ZNF469: variants seen among roughly 807,000 people sequenced by gnomAD.
ZNF469 encodes the protein zinc finger protein 469.
Under a neutral mutation model 1.0 loss-of-function variants are expected in ZNF469, and 1 was observed. The observed-to-expected ratio is 1.00, with a 90% CI of 0.35 to 4.73. The LOEUF (loss-of-function observed/expected upper bound fraction) is 4.73, where lower values mean the gene tolerates loss of function less well. ZNF469 is among the 30% of genes most tolerant of loss of function. The probability of loss-of-function intolerance (pLI) is 0.16; values close to 1 mark genes in which losing one functional copy is unlikely to be tolerated. For synonymous variants in ZNF469, 2,703 were observed against 2,363.4 expected, an observed-to-expected ratio of 1.14 and a Z score of -4.17; for missense variants, 6,100 against 5,356.3, an observed-to-expected ratio of 1.14 and a Z score of -4.33.
the ZNF469 span, chr16:88,101,087 C>T: frequency 1.5e-4 from 27 of 174,708 alleles, no homozygotes; most frequent in South Asian, 2.4e-4. Context: ...CAGTGTGTGG[C>T]GTCTGGGGTG....
chr16:88,154,182 G>A, the ZNF469 span, among the ~76,000 whole-genome samples: 1 of 152,186 alleles, frequency 6.6e-6, no homozygotes. Context: ...TTTTGAGATG[G>A]ATTCTAGCTC....
the ZNF469 span, among the ~76,000 whole-genome samples, chr16:88,308,891 C>G: frequency 6.6e-6 from 1 of 152,168 alleles, no homozygotes; most frequent in South Asian, 2.1e-4. Flanking sequence ...GCATCCTGAG[C>G]TCACCTCCAC....
the ZNF469 span, among the ~76,000 whole-genome samples, chr16:88,256,895 C>CTTTCTCTCTCTCTCTCTCTCTTTCT: frequency 7.8e-5 from 4 of 51,430 alleles, 1 homozygote; most frequent in African/African-American, 2.1e-4. Context: ...CTTTTCTTTC[C>CTTTCTCTCTCTCTCTCTCTCTTTCT]TTCTTTCTTT....
At chr16:88,359,732 T>A in the ZNF469 span, among the ~76,000 whole-genome samples, 4 of 152,234 alleles carry the variant, frequency 2.6e-5, no homozygotes, top group Admixed American at 2.6e-4. Flanking sequence ...ACTCTGGGGC[T>A]TACATTATTT....
intron 1 of ZNF469, among the ~76,000 whole-genome samples, chr16:88,395,000 A>T (rs1384275162): frequency 2.6e-5 from 4 of 152,180 alleles, no homozygotes; most frequent in Non-Finnish European, 4.4e-5. Context: ...CCACTCTGGG[A>T]TCTGGGCTTT....
chr16:88,112,566 G>A, the ZNF469 span, among the ~76,000 whole-genome samples: 1 of 152,116 alleles, frequency 6.6e-6, no homozygotes, highest in Non-Finnish European at 1.5e-5. Context: ...ATGCCTGTTG[G>A]CCATTTGTGT....
At chr16:88,206,222 C>T in the ZNF469 span, among the ~76,000 whole-genome samples, 71,927 of 152,068 alleles carry the variant, frequency 0.47, 17,827 homozygotes, top group East Asian at 0.66. Context: ...GCGCCGGAGG[C>T]GGAAGGGCCA....
Position 88,428,898 on chromosome 16 carries a change from C to T in ZNF469, c.1428C>T (p.Leu476=), listed in dbSNP as rs1292937474. The change falls in exon 3 of 3, where the codon CTC becomes CTT. Residue 476 remains leucine (L), a synonymous_variant. Transcript: ENST00000565624. ...GQPSPGQRLC[L]PQSAPLPWPQ... ...CCAGCCCAGGCCAGCGGCTCTGCCTCCCCCAGAGTGCCCCCCTGCCTTGGC... is the reference window on the plus strand; with the variant it reads ...CCAGCCCAGGCCAGCGGCTCTGCCTTCCCCAGAGTGCCCCCCTGCCTTGGC... 1 of 1,546,980 alleles carries T rather than the reference C, an allele frequency of 6.5e-7. No homozygotes were observed.
At chr16:88,194,805 A>C in the ZNF469 span, 1 of 152,252 alleles carries the variant, frequency 6.6e-6, no homozygotes, top group Non-Finnish European at 1.5e-5. Flanking sequence ...AAAAGGCAGC[A>C]AAGAAAAAAG....
chr16:88,335,201 G>T, the ZNF469 span, among the ~76,000 whole-genome samples: 1 of 152,196 alleles, frequency 6.6e-6, no homozygotes, highest in East Asian at 1.9e-4. Context: ...ACCAGGCCAG[G>T]CTCTCCACCA....
chr16:88,257,587 A>C, the ZNF469 span, among the ~76,000 whole-genome samples: 2 of 151,696 alleles, frequency 1.3e-5, no homozygotes, highest in Non-Finnish European at 2.9e-5. Context: ...TCATTGCCAA[A>C]CCCTAGGTCA....
At chr16:88,190,245 G>A in the ZNF469 span, among the ~76,000 whole-genome samples, 2 of 152,176 alleles carry the variant, frequency 1.3e-5, no homozygotes, top group Non-Finnish European at 2.9e-5. Context: ...ACAGGAGTGG[G>A]GTAGACCATT....
At chr16:88,358,380 T>G in the ZNF469 span, among the ~76,000 whole-genome samples, 23 of 152,322 alleles carry the variant, frequency 1.5e-4, no homozygotes, top group South Asian at 4.8e-3. Context: ...CCTCTGGGGC[T>G]GGGTGCATTT....
Position 88,429,070 on chromosome 16 carries a change from C to T in ZNF469, c.1600C>T (p.Leu534=). ...CAAGACACCGGGACCCAGAGAGAAG[C>T]TGCCAGCCGTGAGAAGCAGCCAGGG... ...AGKTPGPREK[L]PAVRSSQGGS... The change falls in exon 3 of 3, where the codon CTG becomes TTG. Residue 534 remains leucine (L), a synonymous_variant. Coordinates refer to ENST00000565624, the MANE Select transcript of ZNF469 (RefSeq NM_001367624.2). 2 of 1,550,024 alleles carry T rather than the reference C, an allele frequency of 1.3e-6. No homozygotes were observed. The highest frequency in any genetic ancestry group is 1.7e-6 in the Non-Finnish European group (2 of 1,146,880).
At chr16:88,309,567 G>A in the ZNF469 span, among the ~76,000 whole-genome samples, 2 of 149,948 alleles carry the variant, frequency 1.3e-5, no homozygotes, top group Non-Finnish European at 3.0e-5. Context: ...ACCCTCTGAG[G>A]TCCCCTCTCG....
chr16:88,430,014 C>G lies in ZNF469; in HGVS notation c.2544C>G (p.Leu848=). ...AKLDSLITEA[L]NGMEYQSDNP... The stretch of plus-strand genomic sequence containing the variant: ...TGGACAGCCTCATCACAGAGGCGCT[C>G]AACGGCATGGAGTACCAGTCGGACA... Residue 848 remains leucine (L), a synonymous_variant, in exon 3 of 3, where the codon CTC becomes CTG. Coordinates refer to ENST00000565624, the MANE Select transcript of ZNF469 (RefSeq NM_001367624.2). The G allele has an allele frequency of 6.5e-7, 1 of 1,550,378 alleles. No homozygotes were observed. The highest frequency in any genetic ancestry group is 1.4e-5 in the African/African-American group (1 of 73,188).
the ZNF469 span, among the ~76,000 whole-genome samples, chr16:88,184,988 C>G: frequency 5.6e-4 from 85 of 152,204 alleles, no homozygotes; most frequent in African/African-American, 1.8e-3. Context: ...CATATTCACA[C>G]TCACACCCGT....
Position 88,422,343 on chromosome 16 carries a change from G to A in ZNF469, c.-191-2464G>A, listed in dbSNP as rs563648046. ...GTGAGTGATGGATGGATGGGTGAAT[G>A]GGCAGGTGGATGGGGGGATGAATGG... On this transcript the variant is annotated intron_variant, in intron 1 of 2. Coordinates refer to ENST00000565624, the MANE Select transcript of ZNF469 (RefSeq NM_001367624.2). Among the ~76,000 whole-genome samples the A allele has an allele frequency of 2.0e-5, 3 of 148,422 alleles. No individual in the cohort carries two copies. The East Asian group carries it at 6.3e-4, about 31-fold the overall frequency.
At chr16:88,114,343 G>A in the ZNF469 span, among the ~76,000 whole-genome samples, 3 of 147,934 alleles carry the variant, frequency 2.0e-5, no homozygotes, top group Admixed American at 1.3e-4. Flanking sequence ...CACTGACTGC[G>A]GGGGTCTCAG....
Sources: allele counts gnomAD v4.1 joint callset (sites outside exome capture counted in the v4.1 genomes callset), GRCh38; gene constraint gnomAD v4.1.1; transcripts MANE v1.5; gene names NCBI Gene and HGNC (gene_info 2026-07-23, HGNC 2026-07-21).